The following SCFD2 variants were observed in gnomAD, a reference collection of about 807,000 sequenced individuals.
SCFD2 encodes sec1 family domain containing 2.
A neutral mutation model predicts 58.9 loss-of-function variants in SCFD2; 54 were observed. That is an observed-to-expected ratio of 0.92 (90% CI 0.74 to 1.15). SCFD2 has a LOEUF of 1.15. SCFD2 is among the 50% of genes most tolerant of loss of function. SCFD2 has a pLI of 0.00. For synonymous variants in SCFD2, 321 were observed against 335.9 expected (o/e 0.96, Z 0.49); for missense variants, 805 against 836.6 (o/e 0.96, Z 0.47).
At chr4:53,327,383 A>G (rs1432817646) in intron 2 of SCFD2, among the ~76,000 whole-genome samples, 2 of 152,194 alleles carry the variant, frequency 1.3e-5, no homozygotes, top group African/African-American at 4.8e-5. Flanking sequence ...GGGCAGCTGC[A>G]GCCTGGCTCA....
At chr4:53,121,728 A>G (rs1184521045) in intron 5 of SCFD2, among the ~76,000 whole-genome samples, 1 of 152,202 alleles carries the variant, frequency 6.6e-6, no homozygotes, top group Admixed American at 6.5e-5. Context: ...AGAAGTGGCA[A>G]TCCATGTGAT....
chr4:53,273,800 C>A (rs1731247570), intron 4 of SCFD2, 26 bp downstream of exon 4: 2 of 1,579,384 alleles, frequency 1.3e-6, no homozygotes, highest in East Asian at 2.3e-5. Flanking sequence ...TTATTAAGAT[C>A]CCACGAGGTT....
chr4:53,273,114 A>T (rs1405204247), intron 4 of SCFD2, among the ~76,000 whole-genome samples: 1 of 152,172 alleles, frequency 6.6e-6, no homozygotes, highest in Non-Finnish European at 1.5e-5. Flanking sequence ...TCTTTAATGA[A>T]AAAGGATCCA....
At chr4:53,151,130 G>A (rs1406323859) in intron 4 of SCFD2, among the ~76,000 whole-genome samples, 1 of 152,098 alleles carries the variant, frequency 6.6e-6, no homozygotes, top group Non-Finnish European at 1.5e-5. Flanking sequence ...AAGGAGGGAG[G>A]GGCAGCCTAC....
chr4:53,213,017 T>C (rs1462806944), intron 4 of SCFD2, among the ~76,000 whole-genome samples: 1 of 152,064 alleles, frequency 6.6e-6, no homozygotes, highest in Non-Finnish European at 1.5e-5. Flanking sequence ...CTGTTCTAGA[T>C]GTTAAAATAT....
At chr4:53,012,292 A>T (rs1342365675) in intron 5 of SCFD2, among the ~76,000 whole-genome samples, 1 of 152,064 alleles carries the variant, frequency 6.6e-6, no homozygotes, top group Non-Finnish European at 1.5e-5. Context: ...CAAGTCACAG[A>T]GGGGTAAATT....
chr4:53,305,787 G>A (rs920349410), intron 3 of SCFD2, among the ~76,000 whole-genome samples: 12 of 152,040 alleles, frequency 7.9e-5, no homozygotes, highest in African/African-American at 2.7e-4. Context: ...AATTATTGAG[G>A]AACTCTTTAG....
chr4:53,212,343 G>T (rs1224983750), intron 4 of SCFD2, among the ~76,000 whole-genome samples: 1 of 151,868 alleles, frequency 6.6e-6, no homozygotes, highest in Non-Finnish European at 1.5e-5. Context: ...AACTCTCAGA[G>T]CACCCAAAGT....
chr4:53,142,078 C>T (rs1156291206), intron 5 of SCFD2, among the ~76,000 whole-genome samples: 1 of 152,186 alleles, frequency 6.6e-6, no homozygotes, highest in Admixed American at 6.5e-5. Context: ...ATTAAGTCCA[C>T]AAGTCCACCC....
At chr4:53,171,988 T>TTTTA (rs1240851415) in intron 4 of SCFD2, among the ~76,000 whole-genome samples, 6 of 149,782 alleles carry the variant, frequency 4.0e-5, no homozygotes, top group South Asian at 2.1e-4. Flanking sequence ...TTTATTTTTA[T>TTTTA]TTTATTTATT....
chr4:53,212,532 T>C (rs1443646849), intron 4 of SCFD2, among the ~76,000 whole-genome samples: 2 of 149,762 alleles, frequency 1.3e-5, no homozygotes, highest in African/African-American at 5.0e-5. Flanking sequence ...CCACACAATA[T>C]AGTATTAAGG....
chr4:53,149,575 C>T (rs1726446542), intron 4 of SCFD2, among the ~76,000 whole-genome samples: 1 of 152,142 alleles, frequency 6.6e-6, no homozygotes, highest in South Asian at 2.1e-4. Flanking sequence ...ACTTAATTCT[C>T]CCTATCCCTT....
At chr4:53,212,743 T>C (rs370198865) in intron 4 of SCFD2, among the ~76,000 whole-genome samples, 269 of 152,012 alleles carry the variant, frequency 1.8e-3, no homozygotes, top group South Asian at 0.015. Flanking sequence ...ATAATTGTTA[T>C]ATGGGATCAT....
chr4:53,340,282 G>A lies in SCFD2; in HGVS notation c.1007+12316C>T, dbSNP rs185322338. Among the ~76,000 whole-genome samples, 7 of 152,326 alleles carry A rather than the reference G, an allele frequency of 4.6e-5. 1 individual carries two copies. Among genetic ancestry groups the A allele is most frequent in the South Asian group, 4.1e-4 (2 of 4,834 alleles). On this transcript the variant is annotated intron_variant, in intron 2 of 8. Coordinates refer to ENST00000401642, the MANE Select transcript of SCFD2 (RefSeq NM_152540.4). ...CACCCTAATACTGCACTTTTCCAAC[G>A]GTTCTAGCAAACGGCACACCAGGAG...
intron 5 of SCFD2, among the ~76,000 whole-genome samples, chr4:52,941,125 C>T (rs1333644023): frequency 2.0e-5 from 3 of 152,042 alleles, no homozygotes; most frequent in Non-Finnish European, 4.4e-5. Context: ...TAGCCTCACA[C>T]CCCTTTTCAA....
rs373442554 is a variant in SCFD2 at position 52,888,052 on chromosome 4, A to G, written c.1843-2186T>C. Among the ~76,000 whole-genome samples the G allele has an allele frequency of 4.6e-5, 7 of 151,310 alleles. No individual in the cohort carries two copies. The East Asian group carries it at 9.7e-4, about 21-fold the overall frequency. ...CAGCCTCCCGAGTAGCTGGGACTAC[A>G]GGCGCCCGCCACCGCGCCCGGCTAA... is the stretch of plus-strand genomic sequence containing the variant. On this transcript the variant is annotated intron_variant, in intron 7 of 8. Transcript: ENST00000401642.
At chr4:52,965,853 T>C (rs1436839988) in intron 5 of SCFD2, among the ~76,000 whole-genome samples, 1 of 152,220 alleles carries the variant, frequency 6.6e-6, no homozygotes, top group Non-Finnish European at 1.5e-5. Flanking sequence ...TTTCTATTAT[T>C]TATTACTCAA....
chr4:52,885,951 G>T, intron 7 of SCFD2, 85 bp from the exon 8 acceptor site: 1 of 1,540,812 alleles, frequency 6.5e-7, no homozygotes. Context: ...TTGTCCCTCT[G>T]TAGAAACCTC....
At chr4:53,160,925 T>C (rs1418532506) in intron 4 of SCFD2, among the ~76,000 whole-genome samples, 1 of 152,178 alleles carries the variant, frequency 6.6e-6, no homozygotes, top group Non-Finnish European at 1.5e-5. Flanking sequence ...TTCTCTTCTA[T>C]TAAAAATGCC....
Sources: gnomAD v4.1 joint callset for allele counts (sites outside exome capture counted in the v4.1 genomes callset) on GRCh38, gnomAD v4.1.1 for gene constraint, MANE v1.5 for transcripts, NCBI Gene and HGNC (gene_info 2026-07-23, HGNC 2026-07-21) for gene names.